Variants in SPMIP7 observed in about 807,000 individuals in gnomAD.
The protein encoded by SPMIP7 is protein SPMIP7.
At chr7:50,131,120 A>T in the SPMIP7 span, among the ~76,000 whole-genome samples, 1 of 152,194 alleles carries the variant, frequency 6.6e-6, no homozygotes, top group Admixed American at 6.6e-5. Flanking sequence ...ATGGAACACC[A>T]GTTAGGAGGT....
At chr7:50,141,207 A>G in the SPMIP7 span, 2 of 981,768 alleles carry the variant, frequency 2.0e-6, no homozygotes, top group Non-Finnish European at 3.1e-6. Context: ...TTTGGAAGTT[A>G]GAATACTGTT....
At chr7:50,099,239 C>T in the SPMIP7 span, among the ~76,000 whole-genome samples, 7,175 of 152,250 alleles carry the variant, frequency 0.047, 191 homozygotes, top group African/African-American at 0.067. Context: ...TATCGATCTC[C>T]TGTCTGGATG....
the SPMIP7 span, among the ~76,000 whole-genome samples, chr7:50,111,292 G>A: frequency 1.3e-5 from 2 of 152,060 alleles, no homozygotes. Context: ...TGGAGAAAAT[G>A]GGTTCCTGCT....
the SPMIP7 span, chr7:50,141,568 A>T: frequency 3.6e-6 from 2 of 549,482 alleles, no homozygotes; most frequent in South Asian, 4.4e-5. Flanking sequence ...GGATTGACTC[A>T]CTTGGGGCCC....
the SPMIP7 span, among the ~76,000 whole-genome samples, chr7:50,145,587 C>CAT: frequency 1.8e-4 from 5 of 28,424 alleles, no homozygotes; most frequent in Non-Finnish European, 5.1e-4. Flanking sequence ...TATATATGTG[C>CAT]GTGTGTGTGT....
At chr7:50,104,625 A>G in the SPMIP7 span, among the ~76,000 whole-genome samples, 98 of 152,196 alleles carry the variant, frequency 6.4e-4, no homozygotes, top group African/African-American at 2.1e-3. Context: ...CCACAATACC[A>G]TGGGGGAGGA....
the SPMIP7 span, among the ~76,000 whole-genome samples, chr7:50,123,165 C>T: frequency 6.6e-4 from 82 of 125,030 alleles, no homozygotes; most frequent in Non-Finnish European, 9.6e-4. Context: ...TTGGAACCAA[C>T]CCAAATGTCC....
chr7:50,140,696 G>A, the SPMIP7 span, among the ~76,000 whole-genome samples: 2 of 152,328 alleles, frequency 1.3e-5, no homozygotes, highest in African/African-American at 4.8e-5. Context: ...GTAGATCCAA[G>A]AATATGGAGG....
At chr7:50,130,736 A>G in the SPMIP7 span, among the ~76,000 whole-genome samples, 8 of 151,938 alleles carry the variant, frequency 5.3e-5, 1 homozygote, top group African/African-American at 1.9e-4. Flanking sequence ...CCAGGTGCTG[A>G]GGGGTGTGCA....
the SPMIP7 span, chr7:50,140,039 AT>A: frequency 1.3e-6 from 1 of 772,316 alleles, no homozygotes; most frequent in African/African-American, 1.9e-5. Flanking sequence ...CCTATGAGAT[AT>A]CTGTGAAGGC....
chr7:50,101,970 G>A, the SPMIP7 span, among the ~76,000 whole-genome samples: 1 of 152,204 alleles, frequency 6.6e-6, no homozygotes, highest in Non-Finnish European at 1.5e-5. Context: ...CAGCTTTGTG[G>A]ATCAGAAGTC....
the SPMIP7 span, chr7:50,134,200 A>G: frequency 2.6e-6 from 4 of 1,550,308 alleles, no homozygotes; most frequent in East Asian, 7.3e-5. Flanking sequence ...CCCATCTCAC[A>G]GTGTTTTACT....
the SPMIP7 span, among the ~76,000 whole-genome samples, chr7:50,155,471 G>C: frequency 6.6e-6 from 1 of 152,130 alleles, no homozygotes; most frequent in Admixed American, 6.5e-5. Context: ...ATTTAGGAGG[G>C]ATCCGATGCA....
At chr7:50,140,488 A>C in the SPMIP7 span, among the ~76,000 whole-genome samples, 1 of 152,252 alleles carries the variant, frequency 6.6e-6, no homozygotes, top group Non-Finnish European at 1.5e-5. Flanking sequence ...GGATGCTACC[A>C]CTATTGAGTG....
At chr7:50,096,491 G>A in the SPMIP7 span, 3 of 1,551,754 alleles carry the variant, frequency 1.9e-6, no homozygotes, top group Non-Finnish European at 2.6e-6. Context: ...TTTTAGTGAT[G>A]TGAAACCTCA....
At chr7:50,146,064 G>A in the SPMIP7 span, among the ~76,000 whole-genome samples, 1 of 152,146 alleles carries the variant, frequency 6.6e-6, no homozygotes, top group Non-Finnish European at 1.5e-5. Flanking sequence ...CTGTGTTGCA[G>A]CTTAACAAAA....
the SPMIP7 span, among the ~76,000 whole-genome samples, chr7:50,101,599 G>A: frequency 2.6e-5 from 4 of 152,128 alleles, no homozygotes; most frequent in East Asian, 1.9e-4. Context: ...ATGACTCTGC[G>A]GTGTAATTCA....
chr7:50,137,330 T>C, the SPMIP7 span, among the ~76,000 whole-genome samples: 10 of 152,148 alleles, frequency 6.6e-5, no homozygotes, highest in Non-Finnish European at 1.5e-4. Context: ...ATATTTCTGT[T>C]TGTAAGATTC....
the SPMIP7 span, among the ~76,000 whole-genome samples, chr7:50,115,621 A>G: frequency 1.3e-5 from 2 of 152,228 alleles, no homozygotes; most frequent in Non-Finnish European, 2.9e-5. Flanking sequence ...CTGGTAAAAA[A>G]TAAAAACATA....
Sources: gnomAD v4.1 joint callset for allele counts (sites outside exome capture counted in the v4.1 genomes callset) on GRCh38, gnomAD v4.1.1 for gene constraint, MANE v1.5 for transcripts, NCBI Gene and HGNC (gene_info 2026-07-23, HGNC 2026-07-21) for gene names.